GALNTL6: variants seen among roughly 807,000 people sequenced by gnomAD.
The protein encoded by GALNTL6 is polypeptide N-acetylgalactosaminyltransferase like 6.
A neutral mutation model predicts 73.7 loss-of-function variants in GALNTL6; 46 were observed. The observed-to-expected ratio is 0.62, with a 90% CI of 0.49 to 0.80. The LOEUF (loss-of-function observed/expected upper bound fraction) is 0.80. GALNTL6 is among the 30% of genes least tolerant of loss of function. GALNTL6 has a pLI of 0.00. For synonymous variants in GALNTL6, 259 were observed against 263.7 expected, an observed-to-expected ratio of 0.98 and a Z score of 0.17; for missense variants, 604 against 755.0, an observed-to-expected ratio of 0.80 and a Z score of 2.34.
chr4:172,296,831 A>G (rs1561011834), intron 3 of GALNTL6, among the ~76,000 whole-genome samples: 1 of 152,216 alleles, frequency 6.6e-6, no homozygotes, highest in Non-Finnish European at 1.5e-5. Flanking sequence ...AAACGAGTGC[A>G]TGTGTCTTTA....
At chr4:172,780,733 T>C (rs2110895729) in intron 5 of GALNTL6, among the ~76,000 whole-genome samples, 1 of 152,348 alleles carries the variant, frequency 6.6e-6, no homozygotes, top group African/African-American at 2.4e-5. Flanking sequence ...TTTAATTCTC[T>C]GTCTCCTTCC....
chr4:172,097,444 G>A lies in GALNTL6; in HGVS notation c.139-132212G>A, dbSNP rs577063387. The stretch of plus-strand genomic sequence containing the variant: ...GCTCTGCCCATTATGAGGAAGGCAG[G>A]AGTCTGAGAGTGGAACTTCTGGGAA... On this transcript the variant is annotated intron_variant, in intron 2 of 12. Coordinates refer to ENST00000506823, the MANE Select transcript of GALNTL6 (RefSeq NM_001034845.3). Among the ~76,000 whole-genome samples the A allele has an allele frequency of 2.6e-5, 4 of 152,288 alleles. No individual in the cohort carries two copies. The East Asian group carries it at 7.7e-4, about 29-fold the overall frequency.
chr4:172,324,954 A>G (rs1182312947), intron 4 of GALNTL6, among the ~76,000 whole-genome samples: 1 of 151,376 alleles, frequency 6.6e-6, no homozygotes, highest in Non-Finnish European at 1.5e-5. Flanking sequence ...TGTAGATTTA[A>G]ATGTTTAAAT....
chr4:172,897,599 G>A (rs1746397727), intron 8 of GALNTL6, among the ~76,000 whole-genome samples: 1 of 152,192 alleles, frequency 6.6e-6, no homozygotes, highest in Admixed American at 6.5e-5. Flanking sequence ...TTGGGGGACA[G>A]GTCTGTTTCC....
At chr4:172,028,112 A>C (rs1449067883) in intron 2 of GALNTL6, among the ~76,000 whole-genome samples, 1 of 152,130 alleles carries the variant, frequency 6.6e-6, no homozygotes, top group Admixed American at 6.6e-5. Context: ...AGAAGTGGCC[A>C]TCTAGGATTT....
chr4:173,037,944 T>C (rs1753760656), intron 12 of GALNTL6, among the ~76,000 whole-genome samples: 1 of 152,192 alleles, frequency 6.6e-6, no homozygotes, highest in Non-Finnish European at 1.5e-5. Context: ...GGTTTCACCA[T>C]GTTGGCCAGA....
At chr4:172,876,220 T>C (rs540292042) in intron 7 of GALNTL6, among the ~76,000 whole-genome samples, 1 of 152,330 alleles carries the variant, frequency 6.6e-6, no homozygotes, top group South Asian at 2.1e-4. Flanking sequence ...ATAACAGTAT[T>C]ATATGTCATT....
At chr4:172,355,403 A>G (rs2111228299) in intron 5 of GALNTL6, among the ~76,000 whole-genome samples, 1 of 152,236 alleles carries the variant, frequency 6.6e-6, no homozygotes, top group Middle Eastern at 3.4e-3. Flanking sequence ...TAATTTGAAC[A>G]TGCATATAAG....
At chr4:172,717,527 G>C (rs1297715805) in intron 5 of GALNTL6, among the ~76,000 whole-genome samples, 1 of 152,200 alleles carries the variant, frequency 6.6e-6, no homozygotes, top group Admixed American at 6.6e-5. Context: ...GGGCTGAAAA[G>C]AAAGCGGGGA....
At chr4:173,036,635 T>G (rs1753707644) in intron 12 of GALNTL6, among the ~76,000 whole-genome samples, 1 of 151,436 alleles carries the variant, frequency 6.6e-6, no homozygotes, top group Non-Finnish European at 1.5e-5. Context: ...ATAGATGGAG[T>G]AGGCATCCAG....
intron 5 of GALNTL6, among the ~76,000 whole-genome samples, chr4:172,478,773 T>C (rs774884009): frequency 1.1e-4 from 16 of 151,982 alleles, no homozygotes; most frequent in Admixed American, 3.3e-4. Flanking sequence ...AAGACTAATA[T>C]CCAGAACCTA....
At chr4:172,317,802 AT>A (rs1740614766) in intron 4 of GALNTL6, among the ~76,000 whole-genome samples, 1 of 152,216 alleles carries the variant, frequency 6.6e-6, no homozygotes, top group African/African-American at 2.4e-5. Flanking sequence ...TAAAAAGTGA[AT>A]AGCACTAGTT....
chr4:171,928,214 GT>G (rs1216350843), intron 2 of GALNTL6, among the ~76,000 whole-genome samples: 2 of 152,162 alleles, frequency 1.3e-5, no homozygotes, highest in Non-Finnish European at 2.9e-5. Flanking sequence ...AATAAGTAGT[GT>G]TGTAAAATAA....
At chr4:172,265,107 C>T (rs893451358) in intron 3 of GALNTL6, among the ~76,000 whole-genome samples, 7 of 151,884 alleles carry the variant, frequency 4.6e-5, no homozygotes, top group Non-Finnish European at 1.0e-4. Flanking sequence ...ATTTCTTAAG[C>T]ACCTTGCTGG....
chr4:172,881,567 C>T (rs1745451701), intron 7 of GALNTL6, among the ~76,000 whole-genome samples: 1 of 152,134 alleles, frequency 6.6e-6, no homozygotes, highest in Admixed American at 6.6e-5. Flanking sequence ...TCCCCAAGTG[C>T]TTCATAAAGC....
intron 2 of GALNTL6, among the ~76,000 whole-genome samples, chr4:172,017,695 C>T (rs987739125): frequency 2.0e-5 from 3 of 152,094 alleles, no homozygotes; most frequent in Admixed American, 6.6e-5. Context: ...TTTTGTCCCA[C>T]GGGGTGATCC....
intron 8 of GALNTL6, among the ~76,000 whole-genome samples, chr4:172,925,568 T>C (rs747962408): frequency 6.6e-6 from 1 of 152,206 alleles, no homozygotes; most frequent in Non-Finnish European, 1.5e-5. Flanking sequence ...ACTGCTGGGA[T>C]GGAAGGTCTG....
Position 171,952,477 on chromosome 4 carries a change from A to G in GALNTL6, c.138+137759A>G, listed in dbSNP as rs1413404550. Among the ~76,000 whole-genome samples, 3 of 152,194 alleles carry G rather than the reference A, an allele frequency of 2.0e-5. No individual in the cohort carries two copies. In the East Asian group the frequency reaches 5.8e-4, roughly 29 times the overall value. On this transcript the variant is annotated intron_variant, in intron 2 of 12. Coordinates refer to ENST00000506823, the MANE Select transcript of GALNTL6 (RefSeq NM_001034845.3). Reference sequence around the variant, plus strand: ...TATTAAATTAAATGCAAAAGCCTATATATATTGATGTTTCTGAATTTAGTG... The same window carrying G: ...TATTAAATTAAATGCAAAAGCCTATGTATATTGATGTTTCTGAATTTAGTG...
intron 7 of GALNTL6, among the ~76,000 whole-genome samples, chr4:172,877,584 T>C (rs1239980141): frequency 6.6e-6 from 1 of 151,942 alleles, no homozygotes; most frequent in Non-Finnish European, 1.5e-5. Flanking sequence ...GTTTAGAATA[T>C]AAAAATTGCT....
Sources: gnomAD v4.1 joint callset for allele counts (sites outside exome capture counted in the v4.1 genomes callset) on GRCh38, gnomAD v4.1.1 for gene constraint, MANE v1.5 for transcripts, NCBI Gene and HGNC (gene_info 2026-07-23, HGNC 2026-07-21) for gene names.